Variants in INPP5A observed in about 807,000 individuals in gnomAD.
The protein encoded by INPP5A is inositol polyphosphate-5-phosphatase A, also known as 43 kDa inositol polyphosphate 5-phophatase.
A neutral mutation model predicts 65.2 loss-of-function variants in INPP5A; 14 were observed. The ratio of observed to expected loss-of-function variants is 0.21; its 90% confidence interval spans 0.14 to 0.34. The LOEUF is 0.34. Among genes scored for constraint, INPP5A ranks in the 10% least tolerant of loss-of-function variants. The pLI is 1.00. For missense variants in INPP5A, 431 were observed against 545.6 expected, an observed-to-expected ratio of 0.79 and a Z score of 2.09; for synonymous variants, 207 against 208.3, an observed-to-expected ratio of 0.99 and a Z score of 0.05.
chr10:132,730,717 C>T (rs532062649), intron 9 of INPP5A, among the ~76,000 whole-genome samples: 9 of 152,316 alleles, frequency 5.9e-5, no homozygotes, highest in Admixed American at 1.3e-4. Context: ...AGAGCTCCTG[C>T]GGGCCTGGCT....
chr10:132,776,581 TG>T (rs1847066983), intron 12 of INPP5A, among the ~76,000 whole-genome samples: 3 of 152,168 alleles, frequency 2.0e-5, no homozygotes, highest in Non-Finnish European at 4.4e-5. Context: ...GAGACTCTGG[TG>T]AAGGCCCCAG....
At chr10:132,672,748 C>G (rs1398425945) in intron 4 of INPP5A, among the ~76,000 whole-genome samples, 1 of 152,200 alleles carries the variant, frequency 6.6e-6, no homozygotes, top group African/African-American at 2.4e-5. Context: ...AAACGACTTC[C>G]ACTCCCCCTC....
intron 5 of INPP5A, among the ~76,000 whole-genome samples, chr10:132,695,906 GC>G (rs1265205475): frequency 6.6e-6 from 1 of 152,142 alleles, no homozygotes; most frequent in Non-Finnish European, 1.5e-5. Context: ...GAAAGTAGGT[GC>G]CCCCCACCCC....
chr10:132,671,551 A>G (rs887118240), intron 4 of INPP5A, among the ~76,000 whole-genome samples: 2 of 152,212 alleles, frequency 1.3e-5, no homozygotes, highest in African/African-American at 4.8e-5. Flanking sequence ...TGGCTGGCAC[A>G]GCCCTTCCTG....
chr10:132,726,912 G>A lies in INPP5A; in HGVS notation c.732+7G>A, dbSNP rs576429025. 8.1e-6 allele frequency: 13 copies of A among 1,596,008 alleles called. No individual in the cohort carries two copies. The highest frequency in any genetic ancestry group is 2.2e-5 in the East Asian group (1 of 44,516). On this transcript the variant is annotated splice_region_variant and intron_variant, in intron 9 of 15. Transcript: ENST00000368594. ...TTCCAAGTCCGTCGTGGAGGTAGGCGCTGGCTTCCCTCCCGCCCTGGTCTC... is the reference window on the plus strand; with the variant it reads ...TTCCAAGTCCGTCGTGGAGGTAGGCACTGGCTTCCCTCCCGCCCTGGTCTC...
At chr10:132,628,284 C>T (rs1408309540) in intron 2 of INPP5A, among the ~76,000 whole-genome samples, 5 of 152,174 alleles carry the variant, frequency 3.3e-5, no homozygotes, top group African/African-American at 9.7e-5. Flanking sequence ...GGCTGTGTAA[C>T]CTCACCGTGC....
intron 2 of INPP5A, among the ~76,000 whole-genome samples, chr10:132,617,746 T>A (rs540823993): frequency 1.3e-5 from 2 of 152,346 alleles, no homozygotes; most frequent in East Asian, 3.9e-4. Context: ...AGGATACTGA[T>A]CAAAGCAGAA....
chr10:132,589,924 C>A (rs1360022871), intron 1 of INPP5A, among the ~76,000 whole-genome samples: 1 of 152,226 alleles, frequency 6.6e-6, no homozygotes, highest in Non-Finnish European at 1.5e-5. Flanking sequence ...ACAGGGAGGT[C>A]ACAGAGGAGG....
intron 2 of INPP5A, among the ~76,000 whole-genome samples, chr10:132,615,149 C>T (rs776146622): frequency 6.6e-6 from 1 of 152,228 alleles, no homozygotes; most frequent in African/African-American, 2.4e-5. Flanking sequence ...CCTGGAGCTG[C>T]TGCCCTCTGT....
chr10:132,591,219 T>C (rs1006248716), intron 1 of INPP5A, among the ~76,000 whole-genome samples: 1 of 152,242 alleles, frequency 6.6e-6, no homozygotes, highest in Non-Finnish European at 1.5e-5. Flanking sequence ...CAGTTTGACA[T>C]TTGTCTTTTG....
intron 6 of INPP5A, among the ~76,000 whole-genome samples, chr10:132,701,979 G>A (rs1845445109): frequency 6.6e-6 from 1 of 152,366 alleles, no homozygotes; most frequent in East Asian, 1.9e-4. Flanking sequence ...GACGCCCTCT[G>A]TGAGGACTCT....
rs73397362 is a variant in INPP5A at position 132,587,475 on chromosome 10, C to T, written c.76-20440C>T. On this transcript the variant is annotated intron_variant, in intron 1 of 15. Transcript: ENST00000368594. The surrounding 1 kb of genome is among the most constrained non-coding windows in gnomAD (Gnocchi z 4.3). ...CAGAAATCATGACGGGGAAAGGATG[C>T]GGCCATACCAGACGGAACCTTTGTC... Among the ~76,000 whole-genome samples the T allele has an allele frequency of 3.0e-3, 454 of 152,266 alleles. 2 individuals carry two copies. Among genetic ancestry groups the T allele is most frequent in the African/African-American group, 0.01 (430 of 41,544 alleles).
rs1179971398 is a variant in INPP5A, at chr10:132,743,398, CA to C, written c.733-6118del. ...CGCTGCACTCAGCCCCAGCAGGGAC[CA>C]GGCCCGGGAGTGAGGGCGAGCCCAC... On this transcript the variant is annotated intron_variant, in intron 9 of 15. Coordinates refer to ENST00000368594, the MANE Select transcript of INPP5A (RefSeq NM_005539.5). Among the ~76,000 whole-genome samples the C allele has an allele frequency of 5.8e-3, 797 of 137,820 alleles. 3 individuals are homozygous for C. The highest frequency in any genetic ancestry group is 0.02 in the South Asian group (82 of 4,112). 90.4% of individuals were successfully genotyped at this position (137,820 alleles called of 152,430 possible).
intron 4 of INPP5A, among the ~76,000 whole-genome samples, chr10:132,655,893 GAGTGT>G (rs2072650663): frequency 6.6e-6 from 1 of 152,262 alleles, no homozygotes; most frequent in South Asian, 2.1e-4. Flanking sequence ...GCAGGCGCCT[GAGTGT>G]AGGTCCCAGC....
chr10:132,609,950 G>A (rs1047001099), intron 2 of INPP5A, among the ~76,000 whole-genome samples: 1 of 152,308 alleles, frequency 6.6e-6, no homozygotes, highest in South Asian at 2.1e-4. Context: ...CCTGTCTGCC[G>A]CTTTTTTCTT....
chr10:132,752,764 A>G (rs906293443), intron 11 of INPP5A, among the ~76,000 whole-genome samples: 1 of 152,008 alleles, frequency 6.6e-6, no homozygotes, highest in Non-Finnish European at 1.5e-5. Context: ...ATTGTCTTTC[A>G]TGTGGATCCA....
chr10:132,604,567 A>G (rs937056487), intron 1 of INPP5A, among the ~76,000 whole-genome samples: 7 of 152,210 alleles, frequency 4.6e-5, no homozygotes, highest in African/African-American at 1.7e-4. Flanking sequence ...CCCAGAGCTC[A>G]ATAGTAGTTG....
intron 4 of INPP5A, among the ~76,000 whole-genome samples, chr10:132,684,897 G>A (rs894340358): frequency 6.6e-6 from 1 of 152,226 alleles, no homozygotes; most frequent in African/African-American, 2.4e-5. Flanking sequence ...CTCACAGCAT[G>A]CAGCTGGGGA....
chr10:132,730,785 C>A (rs1413291503), intron 9 of INPP5A, among the ~76,000 whole-genome samples: 2 of 152,190 alleles, frequency 1.3e-5, no homozygotes, highest in African/African-American at 4.8e-5. Context: ...GTGAGCCTGA[C>A]CGCAAGCTGC....
Sources: gnomAD v4.1 joint callset for allele counts (sites outside exome capture counted in the v4.1 genomes callset) on GRCh38, gnomAD v4.1.1 for gene constraint, Gnocchi (gnomAD v3.1) non-coding constraint, MANE v1.5 for transcripts, NCBI Gene and HGNC (gene_info 2026-07-23, HGNC 2026-07-21) for gene names.